RPSA2: variants seen among roughly 807,000 people sequenced by gnomAD.
RPSA2 encodes small ribosomal subunit protein uS2B.
At chr19:23,853,617 CAT>C in the RPSA2 span, among the ~76,000 whole-genome samples, 1 of 152,174 alleles carries the variant, frequency 6.6e-6, no homozygotes, top group African/African-American at 2.4e-5. Context: ...GTAATTCCTT[CAT>C]GTTTTGGGCT....
the RPSA2 span, among the ~76,000 whole-genome samples, chr19:23,806,647 T>C: frequency 5.3e-5 from 8 of 151,750 alleles, no homozygotes; most frequent in African/African-American, 1.9e-4. Flanking sequence ...TAGCCAGGCA[T>C]GGTGGCACGT....
the RPSA2 span, among the ~76,000 whole-genome samples, chr19:23,863,005 A>G: frequency 1.3e-5 from 2 of 151,874 alleles, no homozygotes; most frequent in Admixed American, 6.6e-5. Context: ...CCAATGAATA[A>G]AAAAGATAAT....
chr19:23,794,485 T>A, the RPSA2 span, among the ~76,000 whole-genome samples: 2 of 152,226 alleles, frequency 1.3e-5, no homozygotes, highest in African/African-American at 4.8e-5. Context: ...CACGTTTGTC[T>A]TCTTTTGAAA....
the RPSA2 span, among the ~76,000 whole-genome samples, chr19:23,763,626 G>C: frequency 5.9e-5 from 9 of 152,030 alleles, no homozygotes; most frequent in Non-Finnish European, 1.5e-5. Context: ...GCGCCACCCC[G>C]CCTGGCTAAT....
the RPSA2 span, among the ~76,000 whole-genome samples, chr19:23,795,200 T>C: frequency 6.6e-6 from 1 of 152,092 alleles, no homozygotes; most frequent in African/African-American, 2.4e-5. Context: ...TTTTTTTTTT[T>C]TTTTTAGTTA....
chr19:23,809,811 C>T, the RPSA2 span, among the ~76,000 whole-genome samples: 2 of 152,064 alleles, frequency 1.3e-5, no homozygotes, highest in South Asian at 4.1e-4. Flanking sequence ...ATTTCAATGA[C>T]TTTAAATTTT....
At chr19:23,837,104 A>G in the RPSA2 span, among the ~76,000 whole-genome samples, 1 of 152,002 alleles carries the variant, frequency 6.6e-6, no homozygotes, top group Admixed American at 6.6e-5. Context: ...CAGAGTTTTT[A>G]TAGTTTCAGG....
chr19:23,832,116 T>C, the RPSA2 span: 1 of 433,020 alleles, frequency 2.3e-6, no homozygotes. Context: ...ATAAAATAAT[T>C]TGTGCTGAAG....
At chr19:23,843,461 G>T in the RPSA2 span, among the ~76,000 whole-genome samples, 1 of 152,104 alleles carries the variant, frequency 6.6e-6, no homozygotes, top group Admixed American at 6.6e-5. Flanking sequence ...ATTCTTTATG[G>T]ACTCTACTTC....
chr19:23,775,774 A>T, the RPSA2 span, among the ~76,000 whole-genome samples: 1 of 152,224 alleles, frequency 6.6e-6, no homozygotes, highest in East Asian at 1.9e-4. Context: ...AGCCAGTAAG[A>T]GGGATTGAGT....
chr19:23,793,142 C>T, the RPSA2 span, among the ~76,000 whole-genome samples: 11 of 151,200 alleles, frequency 7.3e-5, no homozygotes, highest in African/African-American at 2.2e-4. Flanking sequence ...AAGTACAAAG[C>T]GTTTTTCTGG....
chr19:23,835,623 TTTTG>T, the RPSA2 span, among the ~76,000 whole-genome samples: 3 of 135,226 alleles, frequency 2.2e-5, no homozygotes, highest in East Asian at 2.2e-4. Context: ...TAGTTTTTTT[TTTTG>T]TTGTTGTTGT....
chr19:23,831,540 T>C, the RPSA2 span: 1 of 155,448 alleles, frequency 6.4e-6, no homozygotes, highest in African/African-American at 2.4e-5. Flanking sequence ...TTTAAAACTA[T>C]ATCCATGTGA....
At chr19:23,848,142 A>C in the RPSA2 span, among the ~76,000 whole-genome samples, 1 of 152,214 alleles carries the variant, frequency 6.6e-6, no homozygotes, top group Non-Finnish European at 1.5e-5. Flanking sequence ...AACAGGATTA[A>C]GAGATTAAAG....
the RPSA2 span, among the ~76,000 whole-genome samples, chr19:23,865,562 T>G: frequency 6.6e-6 from 1 of 152,108 alleles, no homozygotes; most frequent in African/African-American, 2.4e-5. Flanking sequence ...ATTAAAAAAC[T>G]CATTTGTTCC....
At chr19:23,789,266 G>A in the RPSA2 span, among the ~76,000 whole-genome samples, 1,657 of 152,154 alleles carry the variant, frequency 0.011, 33 homozygotes, top group African/African-American at 0.038. Flanking sequence ...CTCCCAAAGG[G>A]CTGAGATAAC....
chr19:23,764,235 ACTT>A, the RPSA2 span, among the ~76,000 whole-genome samples: 44 of 152,202 alleles, frequency 2.9e-4, no homozygotes, highest in Admixed American at 4.6e-4. Flanking sequence ...GGCAAGCAGG[ACTT>A]CTTCTAATCC....
chr19:23,847,157 A>G, the RPSA2 span, among the ~76,000 whole-genome samples: 129 of 149,868 alleles, frequency 8.6e-4, no homozygotes, highest in Non-Finnish European at 1.4e-3. Context: ...GAATTTTTGA[A>G]TGTATTTTCT....
the RPSA2 span, among the ~76,000 whole-genome samples, chr19:23,761,932 T>TCCTTCCTTCCTTCCTTCCTTCCTTC: frequency 1.9e-5 from 1 of 53,068 alleles, no homozygotes; most frequent in Non-Finnish European, 3.3e-5. Context: ...TTTTTTTTTT[T>TCCTTCCTTCCTTCCTTCCTTCCTTC]TTTGAGATGG....
Sources: gnomAD v4.1 joint callset for allele counts (sites outside exome capture counted in the v4.1 genomes callset) on GRCh38, gnomAD v4.1.1 for gene constraint, MANE v1.5 for transcripts, NCBI Gene and HGNC (gene_info 2026-07-23, HGNC 2026-07-21) for gene names.